Variants in GOLGA6L7 observed in about 807,000 individuals in gnomAD.
GOLGA6L7 encodes golgin A6 family like 7.
GOLGA6L7 carries 29 observed loss-of-function variants against 68.9 expected under a neutral mutation model. The ratio of observed to expected loss-of-function variants is 0.42; its 90% confidence interval spans 0.31 to 0.57. GOLGA6L7 has a LOEUF of 0.57. Ranked by LOEUF, GOLGA6L7 falls within the 20% of genes least tolerant of loss-of-function variation. The probability of loss-of-function intolerance (pLI) is 0.13; values close to 1 mark genes in which losing one functional copy is unlikely to be tolerated. For missense variants in GOLGA6L7, 396 were observed against 588.4 expected (o/e 0.67, Z 3.38); for synonymous variants, 133 against 197.4 (o/e 0.67, Z 2.73).
intron 8 of GOLGA6L7, 56 bp downstream of exon 8, chr15:28,843,678 T>C (rs1370613324): frequency 6.4e-6 from 4 of 624,466 alleles, no homozygotes; most frequent in Admixed American, 2.8e-5. Flanking sequence ...GCATGATCCC[T>C]AGACCATGTC....
Position 28,842,319 on chromosome 15 carries a change from C to T in GOLGA6L7, c.1785G>A (p.Gln595=). 1 of 1,231,544 alleles carries T rather than the reference C, an allele frequency of 8.1e-7. No individual in the cohort carries two copies. Among genetic ancestry groups the T allele is most frequent in the Non-Finnish European group, 1.0e-6 (1 of 986,030 alleles). The allele number at this position is 1,231,544 out of a possible 1,614,324, so 76.3% of individuals were successfully genotyped here. ...AGGTGCTGCCTAAGCCTGGGCGCTC[C>T]TGGGCGTTCTTCATTCCAGGGGGCA... ...MQLPPGMKNA[Q]ERPGLGSTSC... The change falls in exon 9 of 9, where the codon CAG becomes CAA. Residue 595 remains glutamine (Q), a synonymous_variant. Coordinates refer to ENST00000567390, the MANE Select transcript of GOLGA6L7 (RefSeq NM_001365371.2).
Position 28,845,367 on chromosome 15 carries a change from C to T in GOLGA6L7, c.462+162G>A, listed in dbSNP as rs755369709. On this transcript the variant is annotated intron_variant, in intron 6 of 8. Coordinates refer to ENST00000567390, the MANE Select transcript of GOLGA6L7 (RefSeq NM_001365371.2). ...CCCGCAACTCACCCACAGCAGCTGA[C>T]TCAGCCCCAACCTGCCTCTAACAAC... The T allele has an allele frequency of 8.2e-3, 5,679 of 693,360 alleles. 145 individuals are homozygous for T. The highest frequency in any genetic ancestry group is 0.069 in the African/African-American group (3,913 of 57,048). 43.0% of individuals were successfully genotyped at this position (693,360 alleles called of 1,614,324 possible).
Position 28,844,226 on chromosome 15 carries a change from C to T in GOLGA6L7, c.500G>A (p.Ser167Asn), listed in dbSNP as rs1352059034. The change falls in exon 7 of 9, where the codon AGT becomes AAT. Residue 167 changes from serine (S) to asparagine (N), a missense_variant. This residue lies in a region of GOLGA6L7 where 125 missense variants were observed against 119.4 expected (regional missense o/e 1.05). Transcript: ENST00000567390. ...CTACATGTTCCTGAACAGCTCCAGA[C>T]TCATGGCTTCCCTCTCCTTTGTTAA... ...KELTKEREAM[S>N]LELFRNIITN... The T allele has an allele frequency of 1.3e-5, 6 of 472,146 alleles. No individual in the cohort carries two copies. The highest frequency in any genetic ancestry group is 3.7e-6 in the Non-Finnish European group (1 of 272,498). The allele number at this position is 472,146 out of a possible 1,614,324, so 29.2% of individuals were successfully genotyped here.
At chr15:28,847,672 T>C (rs1715694491) in intron 1 of GOLGA6L7, among the ~76,000 whole-genome samples, 1 of 152,270 alleles carries the variant, frequency 6.6e-6, no homozygotes, top group African/African-American at 2.4e-5. Flanking sequence ...ATTAATGTTT[T>C]GTGTCTCCCA....
Position 28,843,048 on chromosome 15 carries a change from C to G in GOLGA6L7, c.1056G>C (p.Lys352Asn). The stretch of plus-strand genomic sequence containing the variant: ...GCTCCTCCTGCTTCCGCATCTGCTC[C>G]TTCTGCTTCAGCATCTGCTTCTCCT... The part of the protein sequence containing the change: ...RKQEKQMLKQ[K>N]EQMRKQEEQM... The change falls in exon 9 of 9, where the codon AAG becomes AAC. Residue 352 changes from lysine to asparagine, a missense_variant. Physicochemically the swap from Lys to Asn is moderately conservative, Grantham distance 94. Transcript: ENST00000567390. 2 of 1,276,534 alleles carry G rather than the reference C, an allele frequency of 1.6e-6. No individual in the cohort carries two copies. Among genetic ancestry groups the G allele is most frequent in the South Asian group, 5.9e-5 (2 of 33,630 alleles). 79.1% of individuals were successfully genotyped at this position (1,276,534 alleles called of 1,614,324 possible).
chr15:28,845,235 A>G, intron 6 of GOLGA6L7: 1 of 543,582 alleles, frequency 1.8e-6, no homozygotes, highest in Non-Finnish European at 3.3e-6. Flanking sequence ...TTCATGGTAC[A>G]AGTACCCTCA....
Position 28,845,801 on chromosome 15 carries a change from T to C in GOLGA6L7, c.272A>G (p.His91Arg). 1 of 855,644 alleles carries C rather than the reference T, an allele frequency of 1.2e-6. No homozygotes were observed. The highest frequency in any genetic ancestry group is 2.0e-6 in the Non-Finnish European group (1 of 507,606). 53.0% of individuals were successfully genotyped at this position (855,644 alleles called of 1,614,324 possible). A position where few individuals can be genotyped will look rare whatever the true frequency, so the allele number is the denominator to read the frequency against. The change falls in exon 5 of 9, where the codon CAT becomes CGT. Residue 91 changes from histidine (H) to arginine (R), a missense_variant. By Grantham distance (29) the His-to-Arg change is conservative. Coordinates refer to ENST00000567390, the MANE Select transcript of GOLGA6L7 (RefSeq NM_001365371.2). ...ALRRQLEAQD[H>R]TIRILMCQKT... ...CTGACACATAAGGATTCGTATGGTA[T>C]GATCCTGGGCCTTTGGGAGACAAGA...
chr15:28,848,259 AAGC>A (rs1046181091), intron 1 of GOLGA6L7, among the ~76,000 whole-genome samples: 2 of 151,312 alleles, frequency 1.3e-5, no homozygotes, highest in African/African-American at 4.9e-5. Flanking sequence ...GCAGAGTACA[AAGC>A]AGGGAGCCCC....
Position 28,841,906 on chromosome 15 carries a change from AAAAC to A in GOLGA6L7, c.*325_*328del, listed in dbSNP as rs1449426307. The A allele has an allele frequency of 5.9e-6, 1 of 168,924 alleles. No individual in the cohort carries two copies. Among genetic ancestry groups the A allele is most frequent in the Non-Finnish European group, 1.3e-5 (1 of 79,908 alleles). The allele number at this position is 168,924 out of a possible 1,614,324, so 10.5% of individuals were successfully genotyped here. A position where few individuals can be genotyped will look rare whatever the true frequency, so the allele number is the denominator to read the frequency against. On this transcript the variant is annotated 3_prime_UTR_variant, in exon 9 of 9. Coordinates refer to ENST00000567390, the MANE Select transcript of GOLGA6L7 (RefSeq NM_001365371.2). ...AGACAAAAGGAGAAAACAAACAAAA[AAAAC>A]AATAGAAACATACATAGATATTAGA...
intron 6 of GOLGA6L7, chr15:28,845,223 C>G: frequency 2.0e-6 from 1 of 492,820 alleles, no homozygotes; most frequent in Non-Finnish European, 3.7e-6. Flanking sequence ...CTCTTCTGTA[C>G]CTTCATGGTA....
In GOLGA6L7 at chr15:28,848,483, A is replaced by G. The variant is rs779082301; in HGVS notation, c.51+16T>C. The G allele has an allele frequency of 2.0e-5, 14 of 698,694 alleles. No individual in the cohort carries two copies. The South Asian group carries it at 2.1e-4, about 10-fold the overall frequency. 43.3% of individuals were successfully genotyped at this position (698,694 alleles called of 1,614,324 possible). A position where few individuals can be genotyped will look rare whatever the true frequency, so the allele number is the denominator to read the frequency against. On this transcript the variant is annotated intron_variant, in intron 1 of 8. Transcript: ENST00000567390. Reference sequence around the variant, plus strand: ...GCTGGGTTGGGGTTGGGGTGCTGCAATCCGATGCGTTTTACCTTTTTCTTG... The same window carrying G: ...GCTGGGTTGGGGTTGGGGTGCTGCAGTCCGATGCGTTTTACCTTTTTCTTG...
At chr15:28,847,747 A>G (rs2030493109) in intron 1 of GOLGA6L7, among the ~76,000 whole-genome samples, 2 of 152,186 alleles carry the variant, frequency 1.3e-5, no homozygotes, top group African/African-American at 4.8e-5. Context: ...CACTCAAAGT[A>G]CCCCAGGTTG....
At chr15:28,847,505 A>ACAGT (rs1439049494) in intron 1 of GOLGA6L7, among the ~76,000 whole-genome samples, 1 of 152,156 alleles carries the variant, frequency 6.6e-6, no homozygotes, top group Non-Finnish European at 1.5e-5. Context: ...TGTGTGGTTT[A>ACAGT]CAGTCGTACA....
In GOLGA6L7 at chr15:28,843,417, C is replaced by T. The variant is rs2030292944; in HGVS notation, c.687G>A (p.Glu229=). ...LPQVQTNTLQ[E]KMWRQEEELR... ...GCTCCTCCTCCTGCCTCCACATCTT[C>T]TCCTGCAAAGTGTTGGTTTGAACCT... The change falls in exon 9 of 9, where the codon GAG becomes GAA. Residue 229 remains glutamate, a synonymous_variant. Transcript: ENST00000567390. 7 of 745,642 alleles carry T rather than the reference C, an allele frequency of 9.4e-6. No homozygotes were observed. The highest frequency in any genetic ancestry group is 1.3e-5 in the Non-Finnish European group (7 of 544,238). The allele number at this position is 745,642 out of a possible 1,614,324, so 46.2% of individuals were successfully genotyped here.
intron 2 of GOLGA6L7, among the ~76,000 whole-genome samples, 174 bp from the exon 3 acceptor site, chr15:28,846,423 T>C (rs528432108): frequency 6.6e-6 from 1 of 152,316 alleles, no homozygotes; most frequent in African/African-American, 2.4e-5. Flanking sequence ...ATTTGGGTCT[T>C]TGTTGGCTTT....
Position 28,844,273 on chromosome 15 carries a change from G to A in GOLGA6L7, c.463-10C>T, listed in dbSNP as rs1279639837. On this transcript the variant is annotated splice_polypyrimidine_tract_variant and intron_variant, in intron 6 of 8. Transcript: ENST00000567390. The stretch of plus-strand genomic sequence containing the variant: ...TTAACTCCTTGATGTACTGCAAACA[G>A]AGAAAGGTCAAGTCAGGATACAGCA... The A allele has an allele frequency of 1.3e-5, 6 of 449,768 alleles. No homozygotes were observed. Among genetic ancestry groups the A allele is most frequent in the African/African-American group, 1.2e-4 (6 of 48,596 alleles). 27.9% of individuals were successfully genotyped at this position (449,768 alleles called of 1,614,324 possible). A position where few individuals can be genotyped will look rare whatever the true frequency, so the allele number is the denominator to read the frequency against.
In GOLGA6L7 at chr15:28,845,743, G is replaced by C; in HGVS notation, c.330C>G (p.Ser110Arg). The C allele has an allele frequency of 2.6e-6, 2 of 783,376 alleles. No individual in the cohort carries two copies. The highest frequency in any genetic ancestry group is 1.4e-5 in the South Asian group (1 of 72,970). 48.5% of individuals were successfully genotyped at this position (783,376 alleles called of 1,614,324 possible). A position where few individuals can be genotyped will look rare whatever the true frequency, so the allele number is the denominator to read the frequency against. Residue 110 changes from serine (S) to arginine (R), a missense_variant, in exon 5 of 9, where the codon AGC becomes AGG. This residue lies in a region of GOLGA6L7 where 125 missense variants were observed against 119.4 expected (regional missense o/e 1.05). Transcript: ENST00000567390. ...CTTCAAATTTCCTGGCAGCATCCTG[G>C]CTGTCATGGAGCGCTGTCTCCAGTT... The part of the protein sequence containing the change: ...KTELETALHD[S>R]QDAARKFEED...
At position 28,842,151 on chromosome 15, in the gene GOLGA6L7, T is replaced by C. The variant is rs551414796; in HGVS notation, c.*84A>G. On this transcript the variant is annotated 3_prime_UTR_variant, in exon 9 of 9. Transcript: ENST00000567390. Reference sequence around the variant, plus strand: ...TTTTGCCACAATTTAAAATAAATTTTCTTTTTTTCAAGTTTGTTCTCAGAC... The same window carrying C: ...TTTTGCCACAATTTAAAATAAATTTCCTTTTTTTCAAGTTTGTTCTCAGAC... The C allele has an allele frequency of 1.8e-6, 2 of 1,133,972 alleles. No homozygotes were observed. The highest frequency in any genetic ancestry group is 2.2e-6 in the Non-Finnish European group (2 of 900,346). 70.2% of individuals were successfully genotyped at this position (1,133,972 alleles called of 1,614,324 possible).
Position 28,845,908 on chromosome 15 carries a change from G to C in GOLGA6L7, c.253C>G (p.Gln85Glu), listed in dbSNP as rs2030408471. The C allele has an allele frequency of 5.5e-6, 7 of 1,272,344 alleles. No homozygotes were observed. The highest frequency in any genetic ancestry group is 3.6e-5 in the South Asian group (3 of 82,536). The allele number at this position is 1,272,344 out of a possible 1,614,324, so 78.8% of individuals were successfully genotyped here. Reference protein sequence around the residue: ...SHQHQQALRRQLEAQDHTIRI... With the variant: ...SHQHQQALRRELEAQDHTIRI... Reference sequence around the variant, plus strand: ...TCACACCCTCCACTCACCTCTAGCTGCCTCCTTAGGGCTTGCTGATGTTGG... The same window carrying C: ...TCACACCCTCCACTCACCTCTAGCTCCCTCCTTAGGGCTTGCTGATGTTGG... Residue 85 changes from glutamine to glutamate, a missense_variant, in exon 4 of 9, where the codon CAG becomes GAG. Transcript: ENST00000567390.
Sources: allele counts gnomAD v4.1 joint callset (sites outside exome capture counted in the v4.1 genomes callset), GRCh38; gene constraint gnomAD v4.1.1; regional missense constraint gnomAD v4.1.1; transcripts MANE v1.5; gene names NCBI Gene and HGNC (gene_info 2026-07-23, HGNC 2026-07-21).